The following CDC42SE2 variants were observed in gnomAD, a reference collection of about 807,000 sequenced individuals.
CDC42SE2 encodes the protein CDC42 small effector protein 2.
In CDC42SE2, 3 loss-of-function variants were observed where a neutral mutation model predicts 11.5. The ratio of observed to expected loss-of-function variants is 0.26; its 90% CI spans 0.12 to 0.67. CDC42SE2 has a LOEUF of 0.67. Ranked by LOEUF, CDC42SE2 falls within the 30% of genes least tolerant of loss-of-function variation. The pLI is 0.80. For missense variants in CDC42SE2, 82 were observed against 106.8 expected (o/e 0.77, Z 1.02); for synonymous variants, 33 against 34.8 (o/e 0.95, Z 0.18).
chr5:131,368,049 C>T (rs979252054), intron 3 of CDC42SE2, among the ~76,000 whole-genome samples: 7 of 151,996 alleles, frequency 4.6e-5, no homozygotes, highest in African/African-American at 7.2e-5. Context: ...GTCAGGAGAT[C>T]GAGACTGTCC....
intron 1 of CDC42SE2, among the ~76,000 whole-genome samples, chr5:131,292,339 G>A (rs1406189225): frequency 5.0e-5 from 7 of 139,178 alleles, no homozygotes; most frequent in African/African-American, 1.3e-4. Context: ...AGGCTGAGGC[G>A]GGTGGATCAC....
intron 2 of CDC42SE2, among the ~76,000 whole-genome samples, chr5:131,330,645 C>T (rs184649817): frequency 1.9e-4 from 29 of 152,116 alleles, no homozygotes; most frequent in Middle Eastern, 3.4e-3. Flanking sequence ...GGGTACTGTT[C>T]GTGTCTAGTG....
intron 3 of CDC42SE2, among the ~76,000 whole-genome samples, chr5:131,365,646 A>C (rs1749829962): frequency 6.6e-6 from 1 of 152,178 alleles, no homozygotes. Context: ...AGTCATCTCA[A>C]AATGCTTAAA....
chr5:131,261,018 A>C (rs555437701), upstream of CDC42SE2, among the ~76,000 whole-genome samples: 1 of 152,266 alleles, frequency 6.6e-6, no homozygotes, highest in Non-Finnish European at 1.5e-5. Flanking sequence ...AATTTATTTA[A>C]GTAAAAGATT....
Position 131,323,547 on chromosome 5 carries a change from G to GTTT in CDC42SE2, c.-286+7427_-286+7429dup, listed in dbSNP as rs1171213231. On this transcript the variant is annotated intron_variant, in intron 2 of 4. Transcript: ENST00000505065. ...AAGGGATTGTACCTCTCTCTCTCTG[G>GTTT]TTTTTTTTTTTTTTTTTTTTTTTTT... 8.2e-4 allele frequency among the ~76,000 whole-genome samples: 68 copies of GTTT among 82,572 alleles called. 6 individuals carry two copies. The highest frequency in any genetic ancestry group is 3.3e-3 in the African/African-American group (64 of 19,538). 54.2% of individuals were successfully genotyped at this position (82,572 alleles called of 152,430 possible). A position where few individuals can be genotyped will look rare whatever the true frequency, so the allele number is the denominator to read the frequency against.
chr5:131,278,914 A>C (rs1011685072), intron 1 of CDC42SE2, among the ~76,000 whole-genome samples: 2 of 147,512 alleles, frequency 1.4e-5, no homozygotes. Flanking sequence ...CCTCCCGAGT[A>C]GGTGAGACTA....
chr5:131,332,848 A>T (rs547849454), intron 2 of CDC42SE2, among the ~76,000 whole-genome samples: 3 of 152,046 alleles, frequency 2.0e-5, no homozygotes, highest in Admixed American at 6.5e-5. Context: ...GTTTGACTTC[A>T]TTGTAGATTC....
chr5:131,377,411 C>T (rs559103303), intron 3 of CDC42SE2, among the ~76,000 whole-genome samples: 7 of 152,100 alleles, frequency 4.6e-5, no homozygotes, highest in African/African-American at 9.6e-5. Flanking sequence ...TCAGGCAGTC[C>T]GCCCGCCTCA....
At chr5:131,310,916 T>G (rs1757893148) in intron 1 of CDC42SE2, among the ~76,000 whole-genome samples, 1 of 152,060 alleles carries the variant, frequency 6.6e-6, no homozygotes, top group African/African-American at 2.4e-5. Context: ...GTCTGTCTTT[T>G]AATTGGAGCA....
rs138495676 is a variant in CDC42SE2 at position 131,245,924 on chromosome 5, C to T, written n.107+325C>T. Among the ~76,000 whole-genome samples, 503 of 152,162 alleles carry T rather than the reference C, an allele frequency of 3.3e-3. 5 individuals carry two copies. The highest frequency in any genetic ancestry group is 0.012 in the African/African-American group (493 of 41,508). On this transcript the variant is annotated intron_variant and non_coding_transcript_variant, in intron 1 of 3. Coordinates refer to the CDC42SE2 transcript ENST00000502840. ...TGAATTCAATACTTCACATTTTGTC[C>T]TTTTGCTGCAGTTTCTCCATCTCTC...
At chr5:131,364,869 G>A (rs903090273) in intron 3 of CDC42SE2, among the ~76,000 whole-genome samples, 1 of 152,234 alleles carries the variant, frequency 6.6e-6, no homozygotes, top group African/African-American at 2.4e-5. Flanking sequence ...GTGAAACAGA[G>A]GAAGTGCAGT....
intron 1 of CDC42SE2, among the ~76,000 whole-genome samples, chr5:131,298,660 A>G (rs1757621479): frequency 6.6e-6 from 1 of 151,952 alleles, no homozygotes; most frequent in South Asian, 2.1e-4. Flanking sequence ...AAACTTCTGC[A>G]TAGTGGCTTT....
At chr5:131,289,537 G>C (rs926814717) in intron 1 of CDC42SE2, among the ~76,000 whole-genome samples, 1 of 152,128 alleles carries the variant, frequency 6.6e-6, no homozygotes, top group African/African-American at 2.4e-5. Context: ...GCTGGGCGTG[G>C]TGGCACGCGC....
At chr5:131,273,109 T>C (rs1757027215) in intron 1 of CDC42SE2, among the ~76,000 whole-genome samples, 1 of 151,500 alleles carries the variant, frequency 6.6e-6, no homozygotes, top group Non-Finnish European at 1.5e-5. Flanking sequence ...GATCTCATTC[T>C]GTCTAGCTAG....
At chr5:131,330,271 G>C (rs1758393366) in intron 2 of CDC42SE2, among the ~76,000 whole-genome samples, 1 of 152,184 alleles carries the variant, frequency 6.6e-6, no homozygotes. Flanking sequence ...GACGTTCTAA[G>C]ATCCAAGCCT....
At chr5:131,285,930 C>G (rs1034034626) in intron 1 of CDC42SE2, among the ~76,000 whole-genome samples, 1 of 152,008 alleles carries the variant, frequency 6.6e-6, no homozygotes, top group African/African-American at 2.4e-5. Flanking sequence ...AAATCAGCAA[C>G]AGAAAGATAG....
At chr5:131,386,225 C>T (rs943510863) in intron 4 of CDC42SE2, among the ~76,000 whole-genome samples, 6 of 152,146 alleles carry the variant, frequency 3.9e-5, no homozygotes, top group Non-Finnish European at 7.3e-5. Flanking sequence ...ATGTGCAGTT[C>T]GCAATAGGGT....
chr5:131,221,746 C>T, the CDC42SE2 span, among the ~76,000 whole-genome samples: 2 of 151,964 alleles, frequency 1.3e-5, no homozygotes, highest in African/African-American at 4.8e-5. Context: ...TTTTTTTCTC[C>T]TCAACAAACG....
chr5:131,325,743 A>G (rs998709126), intron 2 of CDC42SE2, among the ~76,000 whole-genome samples: 2 of 152,240 alleles, frequency 1.3e-5, no homozygotes, highest in Non-Finnish European at 2.9e-5. Context: ...ATGGTGGCTG[A>G]ACTGGAATTA....
Sources: allele counts gnomAD v4.1 joint callset (sites outside exome capture counted in the v4.1 genomes callset), GRCh38; gene constraint gnomAD v4.1.1; transcripts MANE v1.5; gene names NCBI Gene and HGNC (gene_info 2026-07-23, HGNC 2026-07-21).